The following CMSS1 variants were observed in gnomAD, a reference collection of about 807,000 sequenced individuals.
CMSS1 encodes cms1 ribosomal small subunit homolog.
A neutral mutation model predicts 43.5 loss-of-function variants in CMSS1; 33 were observed. That is an observed-to-expected ratio of 0.76 (90% confidence interval 0.57 to 1.01). The LOEUF (loss-of-function observed/expected upper bound fraction) is 1.01. CMSS1 is among the 50% of genes least tolerant of loss of function. CMSS1 has a pLI of 0.00. For missense variants in CMSS1, 313 were observed against 326.4 expected (o/e 0.96, Z 0.32); for synonymous variants, 115 against 117.2 (o/e 0.98, Z 0.12).
At chr3:100,060,383 C>T (rs1396336574) in intron 1 of CMSS1, among the ~76,000 whole-genome samples, 1 of 152,094 alleles carries the variant, frequency 6.6e-6, no homozygotes, top group Non-Finnish European at 1.5e-5. Context: ...TTCCTGATGC[C>T]CTTCTAAGAG....
intron 2 of CMSS1, among the ~76,000 whole-genome samples, chr3:100,155,011 A>G (rs957960176): frequency 6.6e-6 from 1 of 152,192 alleles, no homozygotes; most frequent in African/African-American, 2.4e-5. Context: ...AAAATCAAAC[A>G]GTATTACTTA....
At chr3:100,124,158 G>T (rs1470232283) in intron 1 of CMSS1, among the ~76,000 whole-genome samples, 1 of 152,180 alleles carries the variant, frequency 6.6e-6, no homozygotes, top group Non-Finnish European at 1.5e-5. Context: ...AGAGCATCTG[G>T]TTAGAGTTTA....
At chr3:99,997,580 T>C (rs916043870) in intron 1 of CMSS1, among the ~76,000 whole-genome samples, 3 of 152,118 alleles carry the variant, frequency 2.0e-5, no homozygotes, top group African/African-American at 7.2e-5. Flanking sequence ...ATATTCACAA[T>C]AGATGGTAGG....
chr3:100,178,209 T>G, intron 9 of CMSS1, 96 bp from the exon 10 acceptor site: 1 of 677,328 alleles, frequency 1.5e-6, no homozygotes, highest in Non-Finnish European at 2.6e-6. Context: ...CCATAACAGC[T>G]GGGTAAATAT....
chr3:100,089,846 C>T (rs2066072966), intron 1 of CMSS1, among the ~76,000 whole-genome samples: 1 of 152,098 alleles, frequency 6.6e-6, no homozygotes, highest in Admixed American at 6.5e-5. Context: ...CCATTTTTGC[C>T]ACCTACTAGT....
In CMSS1 at chr3:99,920,542, C is replaced by T. The variant is rs79844624; in HGVS notation, c.64+102499C>T. On this transcript the variant is annotated intron_variant, in intron 1 of 9. Transcript: ENST00000421999. ...CCACATGTTGGAGCTGGTCAGTGAACGTTGTCATGAAACATGGATAGAATA... is the reference window on the plus strand; with the variant it reads ...CCACATGTTGGAGCTGGTCAGTGAATGTTGTCATGAAACATGGATAGAATA... Among the ~76,000 whole-genome samples, 1,251 of 152,278 alleles carry T rather than the reference C, an allele frequency of 8.2e-3. 20 individuals are homozygous for T. The highest frequency in any genetic ancestry group is 0.025 in the African/African-American group (1,024 of 41,552).
Position 99,975,585 on chromosome 3 carries a change from CA to C in CMSS1, c.64+157556del, listed in dbSNP as rs879922288. ...CCAGCCTGCAAATGAGACTCCGTCT[CA>C]AAAAAAAAAAAAATTGATACTTCAT... On this transcript the variant is annotated intron_variant, in intron 1 of 9. Coordinates refer to ENST00000421999, the MANE Select transcript of CMSS1 (RefSeq NM_032359.4). Among the ~76,000 whole-genome samples the C allele has an allele frequency of 7.9e-3, 893 of 113,510 alleles. 11 individuals are homozygous for C. The highest frequency in any genetic ancestry group is 0.024 in the African/African-American group (725 of 30,270). 74.5% of individuals were successfully genotyped at this position (113,510 alleles called of 152,430 possible). A position where few individuals can be genotyped will look rare whatever the true frequency, so the allele number is the denominator to read the frequency against.
chr3:99,850,908 T>G (rs1353314619), intron 1 of CMSS1: 3 of 1,614,194 alleles, frequency 1.9e-6, no homozygotes, highest in Non-Finnish European at 2.5e-6. Context: ...TTTTCTGTCT[T>G]TGAAGGGTGA....
At chr3:100,056,515 A>G (rs1296808447) in intron 1 of CMSS1, among the ~76,000 whole-genome samples, 1 of 152,182 alleles carries the variant, frequency 6.6e-6, no homozygotes, top group Non-Finnish European at 1.5e-5. Flanking sequence ...TGAGCTAGAG[A>G]TATCATTAAC....
At chr3:100,014,891 C>CTT (rs1710284139) in intron 1 of CMSS1, among the ~76,000 whole-genome samples, 6 of 27,228 alleles carry the variant, frequency 2.2e-4, no homozygotes, top group African/African-American at 4.5e-4. Context: ...TTTTTTCTTT[C>CTT]TTTCTTTTTT....
chr3:100,050,658 G>A (rs1316172596), intron 1 of CMSS1, among the ~76,000 whole-genome samples: 2 of 152,156 alleles, frequency 1.3e-5, no homozygotes, highest in Non-Finnish European at 2.9e-5. Flanking sequence ...CAGCCTCCAA[G>A]TAGCTGGGAT....
At chr3:100,107,128 TA>T (rs962713699) in intron 1 of CMSS1, among the ~76,000 whole-genome samples, 115 of 151,692 alleles carry the variant, frequency 7.6e-4, no homozygotes, top group African/African-American at 2.7e-3. Flanking sequence ...TCCATACAGT[TA>T]AAAAAAAATC....
chr3:100,178,390 T>A lies in CMSS1; in HGVS notation c.*2T>A, dbSNP rs202027002. ...TCCTTGAAACTGGGCCTTTTCTAAGTCTGTGTCCTAATGAAGATTCCAGTT... is the reference window on the plus strand; with the variant it reads ...TCCTTGAAACTGGGCCTTTTCTAAGACTGTGTCCTAATGAAGATTCCAGTT... On this transcript the variant is annotated 3_prime_UTR_variant, in exon 10 of 10. Coordinates refer to ENST00000421999, the MANE Select transcript of CMSS1 (RefSeq NM_032359.4). 6.3e-7 allele frequency: 1 copy of A among 1,597,830 alleles called. No homozygotes were observed. The highest frequency in any genetic ancestry group is 8.6e-7 in the Non-Finnish European group (1 of 1,166,108).
At chr3:99,847,643 A>G (rs1240426886) in intron 1 of CMSS1, among the ~76,000 whole-genome samples, 3 of 152,226 alleles carry the variant, frequency 2.0e-5, no homozygotes, top group African/African-American at 4.8e-5. Flanking sequence ...TAGTCTAAGC[A>G]CTGTGCTGGG....
chr3:99,891,816 C>G (rs1576551871), intron 1 of CMSS1, among the ~76,000 whole-genome samples: 2 of 152,126 alleles, frequency 1.3e-5, no homozygotes, highest in East Asian at 3.9e-4. Flanking sequence ...TTTCAGTTGC[C>G]TAATTGTATA....
chr3:99,977,217 G>A (rs1472569081), intron 1 of CMSS1, among the ~76,000 whole-genome samples: 1 of 152,162 alleles, frequency 6.6e-6, no homozygotes, highest in Non-Finnish European at 1.5e-5. Context: ...AGCACAGCCT[G>A]CAAAGAAAGG....
intron 1 of CMSS1, chr3:99,849,998 C>T (rs777759195): frequency 1.1e-4 from 176 of 1,608,426 alleles, no homozygotes; most frequent in Non-Finnish European, 1.4e-4. Flanking sequence ...TCCTTGGTTA[C>T]GCTGTACATC....
chr3:99,916,435 TATACACAC>T (rs1389440497), intron 1 of CMSS1, among the ~76,000 whole-genome samples: 1 of 120,092 alleles, frequency 8.3e-6, no homozygotes, highest in African/African-American at 3.5e-5. Context: ...AATAACGGTT[TATACACAC>T]ACACACACAC....
At chr3:100,134,801 C>T (rs958924033) in intron 1 of CMSS1, among the ~76,000 whole-genome samples, 3 of 152,132 alleles carry the variant, frequency 2.0e-5, no homozygotes, top group African/African-American at 4.8e-5. Flanking sequence ...TGAAATTGGG[C>T]TCTACCCATA....
Sources: gnomAD v4.1 joint callset for allele counts (sites outside exome capture counted in the v4.1 genomes callset) on GRCh38, gnomAD v4.1.1 for gene constraint, MANE v1.5 for transcripts, NCBI Gene and HGNC (gene_info 2026-07-23, HGNC 2026-07-21) for gene names.